PLEKHA2: variants seen among roughly 807,000 people sequenced by gnomAD.
The protein encoded by PLEKHA2 is pleckstrin homology domain containing A2, also known as pleckstrin homology domain-containing family A member 2.
PLEKHA2 carries 28 observed loss-of-function variants against 53.2 expected under a neutral mutation model. The ratio of observed to expected loss-of-function variants is 0.53; its 90% CI spans 0.39 to 0.72. PLEKHA2 has a LOEUF of 0.72. PLEKHA2 is among the 30% of genes least tolerant of loss of function. PLEKHA2 has a pLI of 0.00. For missense variants in PLEKHA2, 426 were observed against 537.9 expected (o/e 0.79, Z 2.06); for synonymous variants, 193 against 196.4 (o/e 0.98, Z 0.14).
chr8:38,949,837 A>G (rs2129421891), intron 5 of PLEKHA2, among the ~76,000 whole-genome samples: 1 of 152,308 alleles, frequency 6.6e-6, no homozygotes, highest in South Asian at 2.1e-4. Flanking sequence ...TATGCATGAG[A>G]CGGTTTAGGC....
chr8:38,951,469 G>GTTTTTTTTTTTTTTTTTTTTTTTTTAT (rs144541661), intron 6 of PLEKHA2, among the ~76,000 whole-genome samples: 1 of 91,822 alleles, frequency 1.1e-5, no homozygotes, highest in Non-Finnish European at 2.0e-5. Flanking sequence ...ATTTATTTAA[G>GTTTTTTTTTTTTTTTTTTTTTTTTTAT]TTTTTTTTTT....
At chr8:38,956,076 G>A (rs1834933991) in intron 9 of PLEKHA2, among the ~76,000 whole-genome samples, 4 of 152,210 alleles carry the variant, frequency 2.6e-5, no homozygotes, top group African/African-American at 9.6e-5. Context: ...AAAGTGCTGG[G>A]ATTACAGGCG....
At chr8:38,927,711 G>T (rs1004510479) in intron 2 of PLEKHA2, among the ~76,000 whole-genome samples, 5 of 152,128 alleles carry the variant, frequency 3.3e-5, no homozygotes, top group African/African-American at 1.2e-4. Flanking sequence ...CTCATCCACA[G>T]TATATGGTAA....
At chr8:38,924,788 C>A (rs1314760501) in intron 2 of PLEKHA2, among the ~76,000 whole-genome samples, 1 of 152,166 alleles carries the variant, frequency 6.6e-6, no homozygotes, top group East Asian at 1.9e-4. Flanking sequence ...CAGAACACAG[C>A]GTGGGCCAGG....
rs140282425 is a variant in PLEKHA2 at position 38,953,840 on chromosome 8, G to A, written c.773+473G>A. On this transcript the variant is annotated intron_variant, in intron 9 of 11. Coordinates refer to ENST00000617275, the MANE Select transcript of PLEKHA2 (RefSeq NM_021623.2). Reference sequence around the variant, plus strand: ...GACCCTGATGTCCCATTAACACAAGGTGATTCATAGCATCTCTGTGTTACT... The same window carrying A: ...GACCCTGATGTCCCATTAACACAAGATGATTCATAGCATCTCTGTGTTACT... Among the ~76,000 whole-genome samples, 524 of 152,206 alleles carry A rather than the reference G, an allele frequency of 3.4e-3. 6 individuals are homozygous for A. Among genetic ancestry groups the A allele is most frequent in the African/African-American group, 0.012 (488 of 41,500 alleles).
At chr8:38,909,439 G>T (rs1024944852) in intron 1 of PLEKHA2, among the ~76,000 whole-genome samples, 7 of 135,360 alleles carry the variant, frequency 5.2e-5, no homozygotes, top group Non-Finnish European at 9.4e-5. Context: ...TCTGTTTTAA[G>T]CAGTGATCTT....
rs1318793888 is a variant in PLEKHA2 at position 38,943,771 on chromosome 8, A to C, written c.199-18A>C. 1 of 1,537,798 alleles carries C rather than the reference A, an allele frequency of 6.5e-7. No homozygotes were observed. Among genetic ancestry groups the C allele is most frequent in the Admixed American group, 2.1e-5 (1 of 46,878 alleles). On this transcript the variant is annotated intron_variant, in intron 3 of 11. Coordinates refer to ENST00000617275, the MANE Select transcript of PLEKHA2 (RefSeq NM_021623.2). ...TAAGACACATATTCATGTTTCTTTT[A>C]TTTCTTATTTGATTTAGGTGAGCAT...
chr8:38,948,319 G>C (rs1223535810), intron 5 of PLEKHA2, among the ~76,000 whole-genome samples: 1 of 152,182 alleles, frequency 6.6e-6, no homozygotes, highest in East Asian at 1.9e-4. Flanking sequence ...GGCAGTCCTA[G>C]AGCCAAATCA....
At chr8:38,969,055 C>T (rs1054124462) in intron 11 of PLEKHA2, 34 of 300,290 alleles carry the variant, frequency 1.1e-4, no homozygotes, top group African/African-American at 4.3e-4. Context: ...CGTGCCACCA[C>T]GCCCAGCTGA....
intron 10 of PLEKHA2, chr8:38,960,913 A>G (rs1835029445): frequency 6.6e-6 from 1 of 152,236 alleles, no homozygotes; most frequent in Non-Finnish European, 1.5e-5. Context: ...TTGAATAGAT[A>G]CTTTTTATCC....
At chr8:38,951,427 G>A (rs6999287) in intron 6 of PLEKHA2, among the ~76,000 whole-genome samples, 59,330 of 150,044 alleles carry the variant, frequency 0.4, 11,885 homozygotes, top group Middle Eastern at 0.45. Context: ...ACAGAGAAAG[G>A]AAAGGTTTAT....
In PLEKHA2 at chr8:38,928,230, C is replaced by A. The variant is rs374711477; in HGVS notation, c.142-7764C>A. Among the ~76,000 whole-genome samples the A allele has an allele frequency of 6.9e-5, 10 of 144,268 alleles. 1 individual carries two copies. Among genetic ancestry groups the A allele is most frequent in the African/African-American group, 2.6e-4 (10 of 39,100 alleles). 94.6% of individuals were successfully genotyped at this position (144,268 alleles called of 152,430 possible). A position where few individuals can be genotyped will look rare whatever the true frequency, so the allele number is the denominator to read the frequency against. On this transcript the variant is annotated intron_variant, in intron 2 of 11. Coordinates refer to ENST00000617275, the MANE Select transcript of PLEKHA2 (RefSeq NM_021623.2). ...GATTATCTGAAGCCCAGGCCTCTGA[C>A]CTGGTCTTTTTTTTTTTTTTTTTTT...
Position 38,966,310 on chromosome 8 carries a change from G to T in PLEKHA2, c.838-2282G>T, listed in dbSNP as rs184021468. 7.1e-4 allele frequency among the ~76,000 whole-genome samples: 108 copies of T among 151,406 alleles called. 1 individual carries two copies. The highest frequency in any genetic ancestry group is 2.5e-3 in the African/African-American group (104 of 41,272). On this transcript the variant is annotated intron_variant, in intron 10 of 11. Transcript: ENST00000617275. ...GAGGAGGGGTCACTTTGGGGATGGG[G>T]GGATGAGGGGGGATGTGGAGTCCTT...
intron 10 of PLEKHA2, among the ~76,000 whole-genome samples, chr8:38,957,823 G>A (rs953400972): frequency 6.6e-6 from 1 of 152,186 alleles, no homozygotes; most frequent in Non-Finnish European, 1.5e-5. Flanking sequence ...CATTGTTCAG[G>A]CTCTGATGGT....
At chr8:38,932,553 C>T (rs529113233) in intron 2 of PLEKHA2, among the ~76,000 whole-genome samples, 4 of 152,280 alleles carry the variant, frequency 2.6e-5, no homozygotes, top group African/African-American at 9.6e-5. Context: ...TGTTTCTTGG[C>T]CTTCCTGCCC....
At chr8:38,904,395 A>G (rs190509434) in intron 1 of PLEKHA2, among the ~76,000 whole-genome samples, 2 of 152,314 alleles carry the variant, frequency 1.3e-5, no homozygotes, top group Admixed American at 1.3e-4. Context: ...GCTGAGATGA[A>G]GAGGATGGGA....
intron 4 of PLEKHA2, among the ~76,000 whole-genome samples, chr8:38,944,999 C>T (rs184016522): frequency 2.0e-5 from 3 of 152,176 alleles, no homozygotes; most frequent in Non-Finnish European, 4.4e-5. Context: ...GGGGATAAGA[C>T]AAAGGAAGGA....
rs1833781513 is a variant in PLEKHA2 at position 38,901,402 on chromosome 8, C to G, written c.-67C>G. On this transcript the variant is annotated 5_prime_UTR_variant, in exon 1 of 12. Coordinates refer to ENST00000617275, the MANE Select transcript of PLEKHA2 (RefSeq NM_021623.2). Reference sequence around the variant, plus strand: ...CGGCGGCCGGAGGGGCGACCCCGCCCGATGTAACGCGCCCCGCCCGAGCCC... The same window carrying G: ...CGGCGGCCGGAGGGGCGACCCCGCCGGATGTAACGCGCCCCGCCCGAGCCC... 1 of 149,054 alleles carries G rather than the reference C, an allele frequency of 6.7e-6. No homozygotes were observed. The highest frequency in any genetic ancestry group is 2.5e-5 in the African/African-American group (1 of 40,730). The allele number at this position is 149,054 out of a possible 1,614,324, so 9.2% of individuals were successfully genotyped here.
At chr8:38,909,101 C>T (rs899464520) in intron 1 of PLEKHA2, among the ~76,000 whole-genome samples, 1 of 151,760 alleles carries the variant, frequency 6.6e-6, no homozygotes, top group Non-Finnish European at 1.5e-5. Flanking sequence ...CGAGATGGCG[C>T]CACTGCACTC....
Sources: gnomAD v4.1 joint callset for allele counts (sites outside exome capture counted in the v4.1 genomes callset) on GRCh38, gnomAD v4.1.1 for gene constraint, MANE v1.5 for transcripts, NCBI Gene and HGNC (gene_info 2026-07-23, HGNC 2026-07-21) for gene names.